Variants in ADAMTS2 observed in about 807,000 individuals in gnomAD.
The protein encoded by ADAMTS2 is ADAM metallopeptidase with thrombospondin type 1 motif 2, also known as A disintegrin and metalloproteinase with thrombospondin motifs 2.
Under a neutral mutation model 123.0 loss-of-function variants are expected in ADAMTS2, and 50 were observed. The ratio of observed to expected loss-of-function variants is 0.41; its 90% CI spans 0.32 to 0.51. ADAMTS2 has a LOEUF of 0.51. ADAMTS2 is among the 20% of genes least tolerant of loss of function. The pLI is 0.35. For missense variants in ADAMTS2, 1,494 were observed against 1,705.2 expected, an observed-to-expected ratio of 0.88 and a Z score of 2.18; for synonymous variants, 678 against 695.4, an observed-to-expected ratio of 0.98 and a Z score of 0.39.
In ADAMTS2 at chr5:179,124,886, C is replaced by T. The variant is rs73806893; in HGVS notation, c.2958+87G>A. The T allele has an allele frequency of 4.9e-3, 7,873 of 1,597,986 alleles. 290 individuals are homozygous for T. The African/African-American group carries it at 0.091, about 18-fold the overall frequency. ...CGGAGCGGGTGGTGGTGTTGTGTAGCGGCTGAATGCAGCGCACGGAGCGCA... is the reference window on the plus strand; with the variant it reads ...CGGAGCGGGTGGTGGTGTTGTGTAGTGGCTGAATGCAGCGCACGGAGCGCA... On this transcript the variant is annotated intron_variant, in intron 19 of 21. Transcript: ENST00000251582.
At chr5:179,224,325 C>T (rs1013312464) in intron 3 of ADAMTS2, among the ~76,000 whole-genome samples, 9 of 152,220 alleles carry the variant, frequency 5.9e-5, no homozygotes, top group African/African-American at 1.7e-4. Context: ...ACGCTGCCGG[C>T]CGCAGGCCTC....
rs992802577 is a variant in ADAMTS2, at chr5:179,129,199, G to A, written c.2457+733C>T. ...CAAAGGCACGTCCAGGGGGCCAGAA[G>A]TCACTGCAGGCGAGGCAGGCAGGGT... On this transcript the variant is annotated intron_variant, in intron 16 of 21. Transcript: ENST00000251582. This position sits in a 1 kb window ranked among gnomAD's most constrained non-coding sequence, Gnocchi z 4.1. Among the ~76,000 whole-genome samples the A allele has an allele frequency of 2.0e-5, 3 of 152,170 alleles. No homozygotes were observed. The highest frequency in any genetic ancestry group is 1.5e-5 in the Non-Finnish European group (1 of 68,034).
intron 2 of ADAMTS2, among the ~76,000 whole-genome samples, chr5:179,293,816 G>A (rs1303970739): frequency 6.6e-6 from 1 of 151,820 alleles, no homozygotes; most frequent in Non-Finnish European, 1.5e-5. Flanking sequence ...AGTAGAATGG[G>A]GTTTCATCAC....
chr5:179,276,108 A>G (rs75467736), intron 2 of ADAMTS2, among the ~76,000 whole-genome samples: 5,869 of 152,246 alleles, frequency 0.039, 154 homozygotes, highest in Non-Finnish European at 0.063. Context: ...CCTGGGTCTC[A>G]GGGCTCAACC....
intron 5 of ADAMTS2, among the ~76,000 whole-genome samples, chr5:179,176,123 G>C (rs73807269): frequency 0.01 from 1,547 of 152,290 alleles, 28 homozygotes; most frequent in African/African-American, 0.035. Flanking sequence ...TCGCTGTGCA[G>C]AACACTTTTA....
intron 5 of ADAMTS2, among the ~76,000 whole-genome samples, chr5:179,171,133 A>G (rs891069523): frequency 6.6e-6 from 1 of 152,184 alleles, no homozygotes; most frequent in African/African-American, 2.4e-5. Context: ...CCAGTAATTC[A>G]TTTATAACGT....
chr5:179,262,822 G>A lies in ADAMTS2; in HGVS notation c.688+10089C>T, dbSNP rs1262617652. 6.6e-6 allele frequency among the ~76,000 whole-genome samples: 1 copy of A among 152,254 alleles called. No homozygotes were observed. Among genetic ancestry groups the A allele is most frequent in the Admixed American group, 6.5e-5 (1 of 15,286 alleles). ...AGCCCAGAGAACAGGGACTCGATCG[G>A]GTTCCTCCGCTGCTACAGCCCCAGC... is the stretch of plus-strand genomic sequence containing the variant. On this transcript the variant is annotated intron_variant, in intron 3 of 21. Coordinates refer to ENST00000251582, the MANE Select transcript of ADAMTS2 (RefSeq NM_014244.5). The surrounding 1 kb of genome is among the most constrained non-coding windows in gnomAD (Gnocchi z 5.9).
chr5:179,126,846 G>A (rs1489783302), intron 17 of ADAMTS2, among the ~76,000 whole-genome samples: 4 of 152,210 alleles, frequency 2.6e-5, no homozygotes, highest in East Asian at 1.9e-4. Flanking sequence ...GTGGCAGGGC[G>A]GTGGAGGGGC....
chr5:179,199,964 G>A (rs58399646), intron 4 of ADAMTS2, among the ~76,000 whole-genome samples: 48 of 152,276 alleles, frequency 3.2e-4, no homozygotes, highest in African/African-American at 8.2e-4. Context: ...AAAGAACAGC[G>A]AGTTGAGAGA....
rs957114984 is a variant in ADAMTS2, at chr5:179,162,483, G to A, written c.976-3604C>T. 1.1e-4 allele frequency among the ~76,000 whole-genome samples: 16 copies of A among 152,276 alleles called. No individual in the cohort carries two copies. Among genetic ancestry groups the A allele is most frequent in the African/African-American group, 2.6e-4 (11 of 41,572 alleles). On this transcript the variant is annotated intron_variant, in intron 5 of 21. Coordinates refer to ENST00000251582, the MANE Select transcript of ADAMTS2 (RefSeq NM_014244.5). The surrounding 1 kb of genome is among the most constrained non-coding windows in gnomAD (Gnocchi z 5.1). Reference sequence around the variant, plus strand: ...TGCAGTCTCATCTGAAGGCTGTACCGGAGGCGGGTCAGCTCCCAGGCTCAT... The same window carrying A: ...TGCAGTCTCATCTGAAGGCTGTACCAGAGGCGGGTCAGCTCCCAGGCTCAT...
chr5:179,333,988 G>A (rs1757545082), intron 2 of ADAMTS2, among the ~76,000 whole-genome samples: 1 of 152,190 alleles, frequency 6.6e-6, no homozygotes, highest in Non-Finnish European at 1.5e-5. Flanking sequence ...TGGAAGAGCA[G>A]GAGACTCTGC....
chr5:179,288,338 C>A (rs1056207763), intron 2 of ADAMTS2, among the ~76,000 whole-genome samples: 1 of 152,210 alleles, frequency 6.6e-6, no homozygotes, highest in Non-Finnish European at 1.5e-5. Context: ...CTGCCAGGCC[C>A]GAGGCTGTCT....
At position 179,249,090 on chromosome 5, in the gene ADAMTS2, T is replaced by C. The variant is rs78923175; in HGVS notation, c.688+23821A>G. 5.7e-3 allele frequency among the ~76,000 whole-genome samples: 870 copies of C among 152,142 alleles called. 11 individuals are homozygous for C. Among genetic ancestry groups the C allele is most frequent in the African/African-American group, 0.02 (832 of 41,540 alleles). ...AGAAATCAATGACAGAAGAAACCCT[T>C]TAAAAATTCACAAATATGTAGAAAT... On this transcript the variant is annotated intron_variant, in intron 3 of 21. Coordinates refer to ENST00000251582, the MANE Select transcript of ADAMTS2 (RefSeq NM_014244.5).
rs938566553 is a variant in ADAMTS2, at chr5:179,111,900, G to C, written c.*1967C>G. The C allele has an allele frequency of 5.9e-5, 9 of 152,268 alleles. No individual in the cohort carries two copies. Among genetic ancestry groups the C allele is most frequent in the African/African-American group, 2.2e-4 (9 of 41,466 alleles). 9.4% of individuals were successfully genotyped at this position (152,268 alleles called of 1,614,324 possible). A position where few individuals can be genotyped will look rare whatever the true frequency, so the allele number is the denominator to read the frequency against. On this transcript the variant is annotated 3_prime_UTR_variant, in exon 22 of 22. Coordinates refer to ENST00000251582, the MANE Select transcript of ADAMTS2 (RefSeq NM_014244.5). ...TCTAAACCACATCTTCTTAAGGAAG[G>C]GGTACTATGAGAGATACTCAGAAAG...
chr5:179,135,951 G>A lies in ADAMTS2; in HGVS notation c.2043C>T (p.Ser681=), dbSNP rs1239463457. Residue 681 remains serine, a synonymous_variant, in exon 13 of 22, where the codon TCC becomes TCT. Coordinates refer to ENST00000251582, the MANE Select transcript of ADAMTS2 (RefSeq NM_014244.5). The part of the protein sequence containing the change: ...KRMVHDGTRC[S]YKDAFSLCVR... The stretch of plus-strand genomic sequence containing the variant: ...CACAGAGGCTGAAGGCGTCCTTGTA[G>A]GAGCAGCGCGTCCCGTCATGCACCA... 1.2e-6 allele frequency: 2 copies of A among 1,613,330 alleles called. No individual in the cohort carries two copies. Among genetic ancestry groups the A allele is most frequent in the Non-Finnish European group, 1.7e-6 (2 of 1,180,046 alleles).
intron 4 of ADAMTS2, among the ~76,000 whole-genome samples, chr5:179,192,171 C>G (rs1764320115): frequency 6.6e-6 from 1 of 152,190 alleles, no homozygotes; most frequent in South Asian, 2.1e-4. Context: ...GAAGGCATGA[C>G]AGAGGGCTGC....
At chr5:179,183,680 G>A (rs545893019) in intron 4 of ADAMTS2, among the ~76,000 whole-genome samples, 14 of 152,314 alleles carry the variant, frequency 9.2e-5, no homozygotes, top group African/African-American at 3.4e-4. Context: ...CCTGGCTCTA[G>A]GGGGCACCAC....
At chr5:179,268,147 A>AC (rs11446344) in intron 3 of ADAMTS2, among the ~76,000 whole-genome samples, 48,414 of 152,074 alleles carry the variant, frequency 0.32, 8,114 homozygotes, top group East Asian at 0.58. Context: ...CACCAGACCC[A>AC]ACTTCTACCA....
chr5:179,324,551 C>T (rs1041326608), intron 2 of ADAMTS2, among the ~76,000 whole-genome samples: 2 of 152,064 alleles, frequency 1.3e-5, no homozygotes, highest in African/African-American at 2.4e-5. Context: ...CCACCACGCC[C>T]GGCTAGTTCC....
Sources: gnomAD v4.1 joint callset for allele counts (sites outside exome capture counted in the v4.1 genomes callset) on GRCh38, gnomAD v4.1.1 for gene constraint, Gnocchi (gnomAD v3.1) non-coding constraint, MANE v1.5 for transcripts, NCBI Gene and HGNC (gene_info 2026-07-23, HGNC 2026-07-21) for gene names.